RIMS1: variants seen among roughly 807,000 people sequenced by gnomAD.
RIMS1 encodes the protein regulating synaptic membrane exocytosis protein 1.
A neutral mutation model predicts 214.1 loss-of-function variants in RIMS1; 83 were observed. The observed-to-expected ratio is 0.39, with a 90% CI of 0.32 to 0.47. The LOEUF (loss-of-function observed/expected upper bound fraction) is 0.47, where lower values mean the gene tolerates loss of function less well. Ranked by LOEUF, RIMS1 falls within the 20% of genes least tolerant of loss-of-function variation. The probability of loss-of-function intolerance (pLI) is 0.99; values close to 1 mark genes in which losing one functional copy is unlikely to be tolerated. For missense variants in RIMS1, 2,050 were observed against 2,161.8 expected (o/e 0.95, Z 1.03); for synonymous variants, 793 against 786.8 (o/e 1.01, Z -0.13).
intron 4 of RIMS1, among the ~76,000 whole-genome samples, chr6:72,174,115 G>A (rs764164578): frequency 5.3e-5 from 8 of 151,974 alleles, no homozygotes; most frequent in African/African-American, 1.7e-4. Context: ...TCTTGGTTAC[G>A]GCCCTCCTCC....
chr6:72,145,350 C>T (rs1318539062), intron 4 of RIMS1, among the ~76,000 whole-genome samples: 1 of 152,168 alleles, frequency 6.6e-6, no homozygotes, highest in Non-Finnish European at 1.5e-5. Context: ...TGTGTCGGCT[C>T]ACGCCTATAA....
chr6:72,114,995 A>G (rs2153823703), intron 4 of RIMS1, among the ~76,000 whole-genome samples: 1 of 152,084 alleles, frequency 6.6e-6, no homozygotes, highest in South Asian at 2.1e-4. Context: ...TCCATGTCCA[A>G]ATATAAATTA....
At chr6:72,187,873 G>C (rs1392122833) in intron 6 of RIMS1, among the ~76,000 whole-genome samples, 1 of 152,078 alleles carries the variant, frequency 6.6e-6, no homozygotes, top group Non-Finnish European at 1.5e-5. Flanking sequence ...ATATATAAAG[G>C]GGAGTTTATT....
chr6:72,081,706 T>C (rs1236544178), intron 2 of RIMS1, among the ~76,000 whole-genome samples: 4 of 152,130 alleles, frequency 2.6e-5, no homozygotes, highest in East Asian at 3.9e-4. Flanking sequence ...ATAGAATACA[T>C]CTGCATTTGT....
chr6:72,229,322 A>G (rs1279025970), intron 6 of RIMS1, among the ~76,000 whole-genome samples: 2 of 151,942 alleles, frequency 1.3e-5, no homozygotes, highest in Admixed American at 6.6e-5. Flanking sequence ...CAATAATTCA[A>G]TCATGAATGA....
chr6:72,245,813 A>G lies in RIMS1; in HGVS notation c.2082-2A>G. On this transcript the variant is annotated splice_acceptor_variant, in intron 10 of 33. Coordinates refer to ENST00000521978, the MANE Select transcript of RIMS1 (RefSeq NM_014989.7). LOFTEE classifies it high-confidence loss of function. ...ATTTTCACCATATCCTGTTTCTTTTAGTGACATTCCCCGGATTCCTGAGAG... is the reference window on the plus strand; with the variant it reads ...ATTTTCACCATATCCTGTTTCTTTTGGTGACATTCCCCGGATTCCTGAGAG... 1 of 1,607,824 alleles carries G rather than the reference A, an allele frequency of 6.2e-7. No homozygotes were observed. Among genetic ancestry groups the G allele is most frequent in the Non-Finnish European group, 8.5e-7 (1 of 1,174,484 alleles).
chr6:72,110,037 C>T (rs1194148022), intron 4 of RIMS1, among the ~76,000 whole-genome samples: 1 of 152,046 alleles, frequency 6.6e-6, no homozygotes, highest in East Asian at 1.9e-4. Context: ...TTTCTGAGGG[C>T]TCTGTTCTGT....
chr6:72,035,241 T>C (rs908314511), intron 2 of RIMS1, among the ~76,000 whole-genome samples: 1 of 152,200 alleles, frequency 6.6e-6, no homozygotes, highest in South Asian at 2.1e-4. Flanking sequence ...GAATTGCCTA[T>C]TATTACCTTG....
chr6:72,114,631 G>T (rs1329001237), intron 4 of RIMS1, among the ~76,000 whole-genome samples: 1 of 151,888 alleles, frequency 6.6e-6, no homozygotes, highest in Non-Finnish European at 1.5e-5. Context: ...CCTTTATAGT[G>T]CTGAAAGTAT....
At chr6:72,016,730 T>C (rs1229122559) in intron 2 of RIMS1, among the ~76,000 whole-genome samples, 3 of 152,224 alleles carry the variant, frequency 2.0e-5, no homozygotes, top group Admixed American at 6.5e-5. Flanking sequence ...TTCTTTTAAC[T>C]GTATTTGACA....
intron 2 of RIMS1, among the ~76,000 whole-genome samples, chr6:72,026,805 A>G (rs1816662404): frequency 6.6e-6 from 1 of 152,140 alleles, no homozygotes; most frequent in Non-Finnish European, 1.5e-5. Flanking sequence ...CCATTTTATA[A>G]GTTCATTTCA....
At chr6:72,398,105 TTG>T (rs1240195173) in intron 31 of RIMS1, 142 bp from the exon 32 acceptor site, 96 of 514,554 alleles carry the variant, frequency 1.9e-4, no homozygotes, top group Non-Finnish European at 1.0e-5. Context: ...GAAAAGTGGA[TTG>T]TGGAGTGAGG....
intron 1 of RIMS1, among the ~76,000 whole-genome samples, chr6:71,905,177 T>G (rs767548041): frequency 1.3e-4 from 17 of 134,742 alleles, no homozygotes; most frequent in Non-Finnish European, 2.2e-4. Flanking sequence ...CTCTGAGGAC[T>G]TTTTTTTTTT....
intron 24 of RIMS1, among the ~76,000 whole-genome samples, chr6:72,286,271 T>G (rs1241059717): frequency 1.3e-5 from 2 of 152,022 alleles, no homozygotes; most frequent in African/African-American, 4.8e-5. Flanking sequence ...AGTGAACAAG[T>G]TTTTTTGGCA....
At chr6:72,333,530 A>G in intron 28 of RIMS1, 70 bp from the exon 29 acceptor site, 1 of 1,211,164 alleles carries the variant, frequency 8.3e-7, no homozygotes, top group Non-Finnish European at 1.2e-6. Flanking sequence ...AAAATAAATT[A>G]GATTTAGAAT....
chr6:72,258,167 T>C lies in RIMS1; in HGVS notation c.2813T>C (p.Leu938Ser). Residue 938 changes from leucine (L) to serine (S), a missense_variant, in exon 17 of 34, where the codon TTA (leucine) becomes TCA (serine). Leu to Ser is a moderately radical substitution (Grantham distance 145). Around this residue, in one of 6 missense-constraint regions of RIMS1, gnomAD observed 889 missense variants for 885.5 expected, o/e 1.00. Transcript: ENST00000521978. ...SSARESKSTT[L>S]TVPEQQRTTH... ...GCTAGAGAAAGTAAATCTACAACATTAACTGTGCCAGAACAGCAAAGAACA... is the reference window on the plus strand; with the variant it reads ...GCTAGAGAAAGTAAATCTACAACATCAACTGTGCCAGAACAGCAAAGAACA... The C allele has an allele frequency of 6.2e-7, 1 of 1,613,166 alleles. No homozygotes were observed. The highest frequency in any genetic ancestry group is 8.5e-7 in the Non-Finnish European group (1 of 1,179,462).
chr6:72,327,883 T>G (rs984712796), intron 28 of RIMS1, among the ~76,000 whole-genome samples: 1 of 151,826 alleles, frequency 6.6e-6, no homozygotes, highest in Non-Finnish European at 1.5e-5. Flanking sequence ...TTCAGTTTCT[T>G]TCTTCTCTGG....
intron 6 of RIMS1, among the ~76,000 whole-genome samples, chr6:72,201,751 A>C (rs1819061): frequency 0.71 from 107,808 of 152,066 alleles, 38,558 homozygotes; most frequent in East Asian, 0.84. Flanking sequence ...AACAATCTAA[A>C]TTTTAACATA....
In RIMS1 at chr6:72,179,652, C is replaced by A; in HGVS notation, c.549C>A (p.Gly183=). 1.2e-6 allele frequency: 2 copies of A among 1,613,916 alleles called. No homozygotes were observed. The highest frequency in any genetic ancestry group is 1.7e-6 in the Non-Finnish European group (2 of 1,179,860). ...CTGGGGCATGGTTCTTTGGAAGTGGCCCTCAGCAGACAAGTCAGGATGGAA... is the reference window on the plus strand; with the variant it reads ...CTGGGGCATGGTTCTTTGGAAGTGGACCTCAGCAGACAAGTCAGGATGGAA... ...TKSGAWFFGS[G]PQQTSQDGTL... Residue 183 remains glycine, a synonymous_variant, in exon 5 of 34, where the codon GGC becomes GGA. Coordinates refer to ENST00000521978, the MANE Select transcript of RIMS1 (RefSeq NM_014989.7).
Sources: gnomAD v4.1 joint callset for allele counts (sites outside exome capture counted in the v4.1 genomes callset) on GRCh38, gnomAD v4.1.1 for gene constraint, gnomAD v4.1.1 regional missense constraint, MANE v1.5 for transcripts, NCBI Gene and HGNC (gene_info 2026-07-23, HGNC 2026-07-21) for gene names.